ALK: variants seen among roughly 807,000 people sequenced by gnomAD.
ALK encodes the protein ALK tyrosine kinase receptor.
ALK carries 74 observed loss-of-function variants against 163.1 expected under a neutral mutation model. That is an observed-to-expected ratio of 0.45 (90% confidence interval 0.38 to 0.55). The LOEUF is 0.55. ALK is among the 20% of genes least tolerant of loss of function. ALK has a pLI of 0.00. For synonymous variants in ALK, 960 were observed against 843.2 expected (o/e 1.14, Z -2.40); for missense variants, 2,063 against 2,105.3 (o/e 0.98, Z 0.39).
intron 3 of ALK, among the ~76,000 whole-genome samples, chr2:29,666,010 C>G (rs1677502287): frequency 6.6e-6 from 1 of 152,060 alleles, no homozygotes; most frequent in African/African-American, 2.4e-5. Flanking sequence ...TTCTGCTGTC[C>G]TGCCACCATG....
chr2:29,916,017 GC>G (rs1007193548), intron 1 of ALK, among the ~76,000 whole-genome samples: 15 of 152,262 alleles, frequency 9.9e-5, no homozygotes, highest in African/African-American at 3.6e-4. Flanking sequence ...ATGCCCAAAG[GC>G]TCCAGGGTTT....
chr2:29,393,131 A>G (rs538732839), intron 4 of ALK, among the ~76,000 whole-genome samples: 1 of 152,248 alleles, frequency 6.6e-6, no homozygotes, highest in East Asian at 1.9e-4. Flanking sequence ...CCATCATTTG[A>G]GTTCCACACC....
intron 3 of ALK, among the ~76,000 whole-genome samples, chr2:29,583,465 T>A (rs1425384273): frequency 6.6e-6 from 1 of 152,050 alleles, no homozygotes; most frequent in African/African-American, 2.4e-5. Flanking sequence ...AACTCCTGGC[T>A]AGACCCCTAA....
intron 3 of ALK, among the ~76,000 whole-genome samples, chr2:29,603,102 A>G (rs1442404756): frequency 6.6e-6 from 1 of 152,240 alleles, no homozygotes; most frequent in Non-Finnish European, 1.5e-5. Context: ...TGGAATCAAT[A>G]GAAAGGCACG....
At chr2:29,802,993 TA>T (rs1440462739) in intron 1 of ALK, among the ~76,000 whole-genome samples, 1 of 152,160 alleles carries the variant, frequency 6.6e-6, no homozygotes, top group African/African-American at 2.4e-5. Flanking sequence ...TTTAAAAAAA[TA>T]ACAGAACTTT....
chr2:29,687,693 C>G (rs1678279148), intron 3 of ALK, among the ~76,000 whole-genome samples: 1 of 152,118 alleles, frequency 6.6e-6, no homozygotes, highest in Non-Finnish European at 1.5e-5. Flanking sequence ...TATTTCCTTA[C>G]AGACTTTATC....
intron 5 of ALK, among the ~76,000 whole-genome samples, chr2:29,342,537 C>T (rs963048789): frequency 6.6e-6 from 1 of 152,130 alleles, no homozygotes; most frequent in Non-Finnish European, 1.5e-5. Flanking sequence ...GTTGAATATA[C>T]TTAAACATTA....
chr2:29,899,165 A>G (rs1658275806), intron 1 of ALK, among the ~76,000 whole-genome samples: 1 of 152,200 alleles, frequency 6.6e-6, no homozygotes, highest in African/African-American at 2.4e-5. Context: ...TGCCTGTGTT[A>G]ACAAACCCTC....
At chr2:29,697,799 C>G (rs982931864) in intron 2 of ALK, among the ~76,000 whole-genome samples, 2 of 152,196 alleles carry the variant, frequency 1.3e-5, no homozygotes, top group Non-Finnish European at 2.9e-5. Context: ...GAGGCTACTA[C>G]TACCCCAATC....
intron 1 of ALK, among the ~76,000 whole-genome samples, chr2:29,842,637 A>G (rs926389822): frequency 6.6e-6 from 1 of 152,304 alleles, no homozygotes. Flanking sequence ...TCCAGGACCC[A>G]TAGCATGGAC....
At chr2:29,667,969 T>C (rs1432173291) in intron 3 of ALK, among the ~76,000 whole-genome samples, 2 of 152,230 alleles carry the variant, frequency 1.3e-5, no homozygotes, top group East Asian at 1.9e-4. Context: ...TCATTACTCA[T>C]TATTAGTTTA....
In ALK at chr2:29,274,666, C is replaced by CT. The variant is rs2148214666; in HGVS notation, c.2041+432dup. On this transcript the variant is annotated intron_variant, in intron 11 of 28. Coordinates refer to ENST00000389048, the MANE Select transcript of ALK (RefSeq NM_004304.5). ...CTGGGGGAACTGTGTTGAAAGGAAG[C>CT]TTTGGGGGCTTTACCCATGATGGGG... is the stretch of plus-strand genomic sequence containing the variant. Among the ~76,000 whole-genome samples the CT allele has an allele frequency of 1.3e-5, 2 of 152,342 alleles. 1 individual carries two copies. Among genetic ancestry groups the CT allele is most frequent in the South Asian group, 4.1e-4 (2 of 4,828 alleles).
chr2:29,231,383 C>T (rs915169951), intron 15 of ALK, among the ~76,000 whole-genome samples: 2 of 152,178 alleles, frequency 1.3e-5, no homozygotes, highest in Non-Finnish European at 2.9e-5. Flanking sequence ...CTAAACAGCT[C>T]GGCCCTGTTG....
intron 4 of ALK, among the ~76,000 whole-genome samples, chr2:29,473,675 C>A (rs562596301): frequency 3.3e-5 from 5 of 151,680 alleles, no homozygotes; most frequent in African/African-American, 1.2e-4. Flanking sequence ...TTGAGACCAG[C>A]CTGGCCAACA....
intron 6 of ALK, among the ~76,000 whole-genome samples, chr2:29,326,688 T>C (rs907184841): frequency 6.6e-6 from 1 of 152,242 alleles, no homozygotes; most frequent in Admixed American, 6.5e-5. Flanking sequence ...CCATTATCAT[T>C]GGAAAACTTC....
intron 3 of ALK, among the ~76,000 whole-genome samples, chr2:29,580,100 G>A (rs1409911882): frequency 6.6e-6 from 1 of 151,962 alleles, no homozygotes; most frequent in African/African-American, 2.4e-5. Flanking sequence ...TTTCTGCCAG[G>A]GATTTTTGCT....
chr2:29,296,840 T>C, intron 9 of ALK, 48 bp downstream of exon 9: 1 of 1,612,662 alleles, frequency 6.2e-7, no homozygotes, highest in South Asian at 1.1e-5. Flanking sequence ...TCTTTTTCAT[T>C]TTAGCTGATA....
At chr2:29,669,314 C>T (rs1311972744) in intron 3 of ALK, among the ~76,000 whole-genome samples, 1 of 151,940 alleles carries the variant, frequency 6.6e-6, no homozygotes, top group East Asian at 1.9e-4. Flanking sequence ...ATTGTTATAT[C>T]CTCTTCTTGA....
chr2:29,265,408 G>A (rs1187609874), intron 11 of ALK, among the ~76,000 whole-genome samples: 1 of 152,102 alleles, frequency 6.6e-6, no homozygotes, highest in African/African-American at 2.4e-5. Context: ...TGGATTGGCT[G>A]GTAGACTGAA....
Sources: gnomAD v4.1 joint callset for allele counts (sites outside exome capture counted in the v4.1 genomes callset) on GRCh38, gnomAD v4.1.1 for gene constraint, MANE v1.5 for transcripts, NCBI Gene and HGNC (gene_info 2026-07-23, HGNC 2026-07-21) for gene names.